Variants in CACNA2D1 observed in about 807,000 individuals in gnomAD.
The protein encoded by CACNA2D1 is voltage-dependent calcium channel subunit alpha-2/delta-1.
A neutral mutation model predicts 171.5 loss-of-function variants in CACNA2D1; 53 were observed. The observed-to-expected ratio is 0.31, with a 90% CI of 0.25 to 0.39. CACNA2D1 has a LOEUF of 0.39. CACNA2D1 is among the 10% of genes least tolerant of loss of function. The pLI, the probability that CACNA2D1 is intolerant of heterozygous loss-of-function variation, is 1.00. For synonymous variants in CACNA2D1, 442 were observed against 443.1 expected (o/e 1.00, Z 0.03); for missense variants, 903 against 1,299.8 (o/e 0.69, Z 4.69).
At chr7:81,973,646 T>A (rs930712535) in intron 25 of CACNA2D1, among the ~76,000 whole-genome samples, 1 of 152,006 alleles carries the variant, frequency 6.6e-6, no homozygotes, top group Non-Finnish European at 1.5e-5. Context: ...GTCAATTATG[T>A]GTACTTATTC....
chr7:82,110,703 C>T (rs1479750745), intron 6 of CACNA2D1, among the ~76,000 whole-genome samples: 1 of 152,114 alleles, frequency 6.6e-6, no homozygotes, highest in African/African-American at 2.4e-5. Flanking sequence ...TTTCTGTTTC[C>T]ATGGCCACAG....
chr7:82,103,870 T>C (rs1243469311), intron 6 of CACNA2D1, among the ~76,000 whole-genome samples: 5 of 152,090 alleles, frequency 3.3e-5, no homozygotes, highest in Non-Finnish European at 7.4e-5. Context: ...TTTATTATTG[T>C]ATTTTCATAA....
In CACNA2D1 at chr7:81,962,351, A is replaced by G. The variant is rs1398563029; in HGVS notation, c.2836+89T>C. The G allele has an allele frequency of 4.8e-5, 46 of 963,062 alleles. No individual in the cohort carries two copies. In the South Asian group the frequency reaches 5.0e-4, roughly 10 times the overall value. The allele number at this position is 963,062 out of a possible 1,614,324, so 59.7% of individuals were successfully genotyped here. On this transcript the variant is annotated intron_variant, in intron 35 of 38. Coordinates refer to ENST00000356860, the MANE Select transcript of CACNA2D1 (RefSeq NM_000722.4). Reference sequence around the variant, plus strand: ...GGTGACCTGTTTTCTCTTTCACACAAATATTCTCTGAATTTGTTGAACTTC... The same window carrying G: ...GGTGACCTGTTTTCTCTTTCACACAGATATTCTCTGAATTTGTTGAACTTC...
intron 4 of CACNA2D1, among the ~76,000 whole-genome samples, chr7:82,154,995 T>C (rs1794233572): frequency 6.6e-6 from 1 of 152,086 alleles, no homozygotes; most frequent in South Asian, 2.1e-4. Context: ...TCCTTGGTGC[T>C]GTACTCATGA....
At chr7:81,958,718 T>TTTC (rs1403610754) in intron 38 of CACNA2D1, among the ~76,000 whole-genome samples, 1 of 151,944 alleles carries the variant, frequency 6.6e-6, no homozygotes, top group African/African-American at 2.4e-5. Flanking sequence ...CCTGGTCTAG[T>TTTC]TTCAAACACT....
chr7:82,258,813 TTTTC>T (rs1806642523), intron 3 of CACNA2D1, among the ~76,000 whole-genome samples: 9 of 109,412 alleles, frequency 8.2e-5, no homozygotes, highest in Non-Finnish European at 1.7e-4. Flanking sequence ...TCTTTCTTAC[TTTTC>T]TTTTTTTTTT....
At chr7:82,309,045 C>A (rs1814087809) in intron 3 of CACNA2D1, among the ~76,000 whole-genome samples, 1 of 152,146 alleles carries the variant, frequency 6.6e-6, no homozygotes, top group Admixed American at 6.6e-5. Flanking sequence ...ATGTCTATAT[C>A]TGTTATGTAT....
intron 10 of CACNA2D1, among the ~76,000 whole-genome samples, chr7:82,040,767 G>C (rs1028835779): frequency 5.9e-5 from 9 of 152,138 alleles, no homozygotes; most frequent in African/African-American, 2.2e-4. Flanking sequence ...CTGAGGTCGG[G>C]AGTTTGAGAC....
At chr7:82,307,853 G>C (rs1813929557) in intron 3 of CACNA2D1, among the ~76,000 whole-genome samples, 2 of 152,162 alleles carry the variant, frequency 1.3e-5, no homozygotes, top group South Asian at 4.1e-4. Flanking sequence ...TCAAAAGCTG[G>C]AATACTGGCA....
intron 1 of CACNA2D1, among the ~76,000 whole-genome samples, chr7:82,383,192 C>G (rs1823905452): frequency 1.3e-5 from 2 of 152,158 alleles, no homozygotes; most frequent in African/African-American, 4.8e-5. Flanking sequence ...CTGCACTAGA[C>G]AAGTTTACAG....
intron 34 of CACNA2D1, among the ~76,000 whole-genome samples, 165 bp from the exon 35 acceptor site, chr7:81,962,660 T>C (rs947100017): frequency 2.6e-5 from 4 of 151,998 alleles, no homozygotes; most frequent in African/African-American, 9.7e-5. Flanking sequence ...GTAACCTTTT[T>C]GTAATGTGTA....
intron 3 of CACNA2D1, among the ~76,000 whole-genome samples, chr7:82,330,201 A>C (rs1817148635): frequency 6.6e-6 from 1 of 152,144 alleles, no homozygotes; most frequent in African/African-American, 2.4e-5. Context: ...ATGAGTGTAA[A>C]ATAAAGTTGC....
At chr7:82,262,102 C>A (rs1008936008) in intron 3 of CACNA2D1, among the ~76,000 whole-genome samples, 3 of 152,186 alleles carry the variant, frequency 2.0e-5, no homozygotes, top group Admixed American at 6.5e-5. Context: ...GAGGCCGAGG[C>A]GGGCAGATCA....
At chr7:82,116,552 T>C (rs1383153539) in intron 6 of CACNA2D1, among the ~76,000 whole-genome samples, 2 of 152,134 alleles carry the variant, frequency 1.3e-5, no homozygotes, top group Non-Finnish European at 2.9e-5. Flanking sequence ...TCTTTACCTA[T>C]ATCCTAGGGT....
At chr7:82,133,481 T>A (rs1221283327) in intron 5 of CACNA2D1, among the ~76,000 whole-genome samples, 1 of 152,208 alleles carries the variant, frequency 6.6e-6, no homozygotes, top group African/African-American at 2.4e-5. Flanking sequence ...ACCTTAATGA[T>A]GGTAGAACTT....
intron 1 of CACNA2D1, among the ~76,000 whole-genome samples, chr7:82,386,022 TA>T (rs1824321131): frequency 6.6e-6 from 1 of 152,154 alleles, no homozygotes; most frequent in Admixed American, 6.5e-5. Context: ...TTTAGAGTTG[TA>T]AACGCATTAG....
intron 3 of CACNA2D1, among the ~76,000 whole-genome samples, chr7:82,328,859 T>C (rs182854245): frequency 4.2e-4 from 64 of 152,330 alleles, no homozygotes; most frequent in African/African-American, 1.5e-3. Flanking sequence ...CAGTATATTC[T>C]ATTGAATCTA....
intron 4 of CACNA2D1, among the ~76,000 whole-genome samples, chr7:82,169,634 T>A (rs974605653): frequency 4.6e-5 from 7 of 152,064 alleles, no homozygotes; most frequent in African/African-American, 1.7e-4. Flanking sequence ...CACAACTACA[T>A]ACCTTCAAAT....
At chr7:82,443,287 C>G (rs923804666) in intron 1 of CACNA2D1, 78 bp downstream of exon 1, 4 of 1,423,284 alleles carry the variant, frequency 2.8e-6, no homozygotes, top group Non-Finnish European at 3.8e-6. Context: ...AAAAGCCCCG[C>G]GACTCGGGAA....
Sources: allele counts gnomAD v4.1 joint callset (sites outside exome capture counted in the v4.1 genomes callset), GRCh38; gene constraint gnomAD v4.1.1; transcripts MANE v1.5; gene names NCBI Gene and HGNC (gene_info 2026-07-23, HGNC 2026-07-21).